The following FBXW8 variants were observed in gnomAD, a reference collection of about 807,000 sequenced individuals.
FBXW8 encodes the protein F-box and WD repeat domain containing 8, also known as F-box/WD repeat-containing protein 8.
Under a neutral mutation model 65.3 loss-of-function variants are expected in FBXW8, and 57 were observed. That is an observed-to-expected ratio of 0.87 (90% CI 0.71 to 1.09). The LOEUF is 1.09. Among genes scored for constraint, FBXW8 ranks in the 50% least tolerant of loss-of-function variants. The pLI is 0.00. For missense variants in FBXW8, 777 were observed against 814.8 expected (o/e 0.95, Z 0.57); for synonymous variants, 308 against 330.2 (o/e 0.93, Z 0.73).
At chr12:116,976,634 T>G (rs987114901) in intron 5 of FBXW8, among the ~76,000 whole-genome samples, 8 of 150,976 alleles carry the variant, frequency 5.3e-5, no homozygotes, top group Non-Finnish European at 8.9e-5. Context: ...TTTTTTTTTT[T>G]TTTGTATTTT....
intron 1 of FBXW8, among the ~76,000 whole-genome samples, chr12:116,921,746 A>C (rs568198294): frequency 1.6e-4 from 24 of 152,238 alleles, no homozygotes; most frequent in Middle Eastern, 6.8e-3. Flanking sequence ...AATTCAGAAG[A>C]ATAGAAGAAA....
chr12:116,960,815 C>T (rs981943390), intron 4 of FBXW8, among the ~76,000 whole-genome samples: 5 of 152,082 alleles, frequency 3.3e-5, no homozygotes, highest in African/African-American at 4.8e-5. Context: ...GTTGAGGAGA[C>T]GATCAATGCA....
At position 117,024,311 on chromosome 12, in the gene FBXW8, T is replaced by C; in HGVS notation, c.1532T>C (p.Val511Ala). The change falls in exon 9 of 11, where the codon GTG (valine) becomes GCG (alanine). Residue 511 changes from valine (V) to alanine (A), a missense_variant. By Grantham distance (64) the Val-to-Ala change is moderately conservative. Transcript: ENST00000652555. ...CGGATGAACCAGAAGCTGTGGGAGG[T>C]GTATTCCGGGTAAGGTGCATTCTAG... Reference protein sequence around the residue: ...DYRMNQKLWEVYSGHPVQHIS... With the variant: ...DYRMNQKLWEAYSGHPVQHIS... 6.2e-7 allele frequency: 1 copy of C among 1,613,896 alleles called. No homozygotes were observed.
intron 5 of FBXW8, among the ~76,000 whole-genome samples, chr12:116,982,047 A>C (rs1238892930): frequency 1.3e-5 from 2 of 152,240 alleles, no homozygotes; most frequent in Non-Finnish European, 2.9e-5. Flanking sequence ...AAAGGAATTA[A>C]AATGGAATAA....
intron 4 of FBXW8, among the ~76,000 whole-genome samples, chr12:116,952,325 G>A (rs1883337280): frequency 6.6e-6 from 1 of 152,156 alleles, no homozygotes; most frequent in African/African-American, 2.4e-5. Flanking sequence ...GTGTAACCCT[G>A]TCGTTTAGTG....
chr12:116,968,260 C>T (rs796750419), intron 5 of FBXW8, among the ~76,000 whole-genome samples: 42 of 152,292 alleles, frequency 2.8e-4, no homozygotes, highest in African/African-American at 8.4e-4. Context: ...CCACTTTTGT[C>T]TGCTCCATTC....
chr12:117,026,148 C>T (rs147936900), intron 9 of FBXW8, among the ~76,000 whole-genome samples: 70 of 152,392 alleles, frequency 4.6e-4, no homozygotes, highest in Admixed American at 1.2e-3. Flanking sequence ...TCAGTCTCTT[C>T]AGCCCAGGTC....
At chr12:116,956,362 A>T (rs922404492) in intron 4 of FBXW8, among the ~76,000 whole-genome samples, 1 of 152,144 alleles carries the variant, frequency 6.6e-6, no homozygotes, top group Non-Finnish European at 1.5e-5. Context: ...ATTCCTTTTG[A>T]GGCAAGTGTG....
intron 1 of FBXW8, among the ~76,000 whole-genome samples, chr12:116,921,338 G>T (rs1880883757): frequency 6.6e-6 from 1 of 152,200 alleles, no homozygotes; most frequent in Non-Finnish European, 1.5e-5. Flanking sequence ...GCTAGGCATG[G>T]GGATTAGGTT....
chr12:117,019,912 G>A (rs148503427), intron 8 of FBXW8, among the ~76,000 whole-genome samples: 1 of 152,350 alleles, frequency 6.6e-6, no homozygotes, highest in East Asian at 1.9e-4. Context: ...TATTTAAACA[G>A]GAAGTACGCA....
intron 7 of FBXW8, among the ~76,000 whole-genome samples, chr12:116,996,250 G>A (rs1481629387): frequency 6.6e-6 from 1 of 152,232 alleles, no homozygotes; most frequent in African/African-American, 2.4e-5. Flanking sequence ...CGTGTGACAA[G>A]GACGCTTGCT....
At chr12:116,928,809 A>G (rs903223416) in intron 2 of FBXW8, among the ~76,000 whole-genome samples, 2 of 152,056 alleles carry the variant, frequency 1.3e-5, no homozygotes, top group Non-Finnish European at 2.9e-5. Flanking sequence ...GGGGCCTGAC[A>G]GTCAACTTTC....
chr12:116,922,286 A>C (rs1280117768), intron 1 of FBXW8, among the ~76,000 whole-genome samples: 2 of 152,114 alleles, frequency 1.3e-5, no homozygotes, highest in East Asian at 3.9e-4. Context: ...GTGAAACTGA[A>C]ACTCATCTAT....
chr12:117,028,043 C>A lies in FBXW8; in HGVS notation c.1668C>A (p.Ile556=), dbSNP rs760588207. The part of the protein sequence containing the change: ...FTTHRRHRGL[I]RAYEFAVDQL... ...CTCTTTCTAGACACCGGGGGCTGAT[C>A]CGCGCCTATGAGTTTGCGGTGGACC... The change falls in exon 11 of 11, where the codon ATC becomes ATA. Residue 556 remains isoleucine (I), a synonymous_variant. Coordinates refer to ENST00000652555, the MANE Select transcript of FBXW8 (RefSeq NM_153348.3). This position sits in a 1 kb window ranked among gnomAD's most constrained non-coding sequence, Gnocchi z 4.1. 3 of 1,614,082 alleles carry A rather than the reference C, an allele frequency of 1.9e-6. No homozygotes were observed. Among genetic ancestry groups the A allele is most frequent in the Non-Finnish European group, 2.5e-6 (3 of 1,180,028 alleles).
Position 117,028,382 on chromosome 12 carries a change from C to T in FBXW8, c.*210C>T. 1.6e-6 allele frequency: 1 copy of T among 620,058 alleles called. No homozygotes were observed. The highest frequency in any genetic ancestry group is 2.0e-5 in the South Asian group (1 of 49,696). The allele number at this position is 620,058 out of a possible 1,614,324, so 38.4% of individuals were successfully genotyped here. On this transcript the variant is annotated 3_prime_UTR_variant, in exon 11 of 11. Coordinates refer to ENST00000652555, the MANE Select transcript of FBXW8 (RefSeq NM_153348.3). The surrounding 1 kb of genome is among the most constrained non-coding windows in gnomAD (Gnocchi z 4.1). ...TGTGCCAGGGCTCGAGTCCCACGTG[C>T]TGCCAACTCAAACATAGCCTCCTTC...
chr12:116,957,706 T>C (rs1317973078), intron 4 of FBXW8, among the ~76,000 whole-genome samples: 2 of 152,230 alleles, frequency 1.3e-5, no homozygotes, highest in Non-Finnish European at 2.9e-5. Flanking sequence ...TTAAACCTTG[T>C]TTTGTATAGA....
chr12:116,969,943 T>C (rs1173145586), intron 5 of FBXW8, among the ~76,000 whole-genome samples: 1 of 152,194 alleles, frequency 6.6e-6, no homozygotes, highest in Non-Finnish European at 1.5e-5. Context: ...ATCCTCCAGT[T>C]TGATTTTACC....
At chr12:116,942,170 A>G (rs1882612128) in intron 2 of FBXW8, among the ~76,000 whole-genome samples, 1 of 151,656 alleles carries the variant, frequency 6.6e-6, no homozygotes, top group African/African-American at 2.4e-5. Flanking sequence ...CTGGGACTAC[A>G]GGCACACACC....
Position 117,019,219 on chromosome 12 carries a change from T to G in FBXW8, c.1368-4928T>G, listed in dbSNP as rs527277898. Among the ~76,000 whole-genome samples the G allele has an allele frequency of 7.9e-5, 12 of 152,354 alleles. No homozygotes were observed. In the East Asian group the frequency reaches 2.1e-3, roughly 27 times the overall value. ...GCAGCATTTGTAGCAACGGACCTAT[T>G]ATGTATCATCTATACATTATCATCT... On this transcript the variant is annotated intron_variant, in intron 8 of 10. Transcript: ENST00000652555.
Sources: gnomAD v4.1 joint callset for allele counts (sites outside exome capture counted in the v4.1 genomes callset) on GRCh38, gnomAD v4.1.1 for gene constraint, Gnocchi (gnomAD v3.1) non-coding constraint, MANE v1.5 for transcripts, NCBI Gene and HGNC (gene_info 2026-07-23, HGNC 2026-07-21) for gene names.